PRKN: variants seen among roughly 807,000 people sequenced by gnomAD.
The protein encoded by PRKN is parkin RBR E3 ubiquitin protein ligase, also known as E3 ubiquitin-protein ligase parkin.
PRKN carries 56 observed loss-of-function variants against 59.5 expected under a neutral mutation model. The ratio of observed to expected loss-of-function variants is 0.94; its 90% CI spans 0.76 to 1.18. The LOEUF (loss-of-function observed/expected upper bound fraction) is 1.18. Among genes scored for constraint, PRKN ranks in the 50% most tolerant of loss-of-function variants. The probability of loss-of-function intolerance (pLI) is 0.00; values close to 1 mark genes in which losing one functional copy is unlikely to be tolerated. For missense variants in PRKN, 657 were observed against 596.4 expected (o/e 1.10, Z -1.06); for synonymous variants, 250 against 222.1 (o/e 1.13, Z -1.12).
At chr6:161,686,039 A>G (rs1785538883) in intron 7 of PRKN, among the ~76,000 whole-genome samples, 1 of 150,744 alleles carries the variant, frequency 6.6e-6, no homozygotes. Context: ...TGACAAAAAT[A>G]CTGCACACTC....
chr6:161,645,914 G>A (rs12209808), intron 7 of PRKN, among the ~76,000 whole-genome samples: 24,188 of 136,782 alleles, frequency 0.18, 2,490 homozygotes, highest in Middle Eastern at 0.26. Flanking sequence ...CGGCGTATCA[G>A]TGACAGTGGT....
chr6:161,680,346 T>C (rs1785270337), intron 7 of PRKN, among the ~76,000 whole-genome samples: 1 of 152,110 alleles, frequency 6.6e-6, no homozygotes, highest in South Asian at 2.1e-4. Context: ...AATAAATATC[T>C]CCATATGGAC....
In PRKN at chr6:161,458,339, T is replaced by C. The variant is rs1790062712; in HGVS notation, c.1084-71462A>G. ...AAGTAGGGGGAATTGTGAAGCACTT[T>C]CATCCAGCATCTCGGGTGCCTGGTG... On this transcript the variant is annotated intron_variant, in intron 9 of 11. Transcript: ENST00000366898. The surrounding 1 kb of genome is among the most constrained non-coding windows in gnomAD (Gnocchi z 6.1). 6.6e-6 allele frequency among the ~76,000 whole-genome samples: 1 copy of C among 152,178 alleles called. No homozygotes were observed. Among genetic ancestry groups the C allele is most frequent in the Non-Finnish European group, 1.5e-5 (1 of 68,034 alleles).
chr6:162,038,511 G>A (rs923375368), intron 5 of PRKN, among the ~76,000 whole-genome samples: 1 of 152,076 alleles, frequency 6.6e-6, no homozygotes, highest in Non-Finnish European at 1.5e-5. Flanking sequence ...TCAAAATATG[G>A]AAGCTCCTAG....
At chr6:162,040,552 G>A (rs563539415) in intron 5 of PRKN, among the ~76,000 whole-genome samples, 8 of 149,012 alleles carry the variant, frequency 5.4e-5, no homozygotes, top group Non-Finnish European at 1.0e-4. Flanking sequence ...ATATACAGGC[G>A]CCCACCACCA....
At chr6:162,327,893 G>C (rs2128123832) in intron 2 of PRKN, among the ~76,000 whole-genome samples, 1 of 152,242 alleles carries the variant, frequency 6.6e-6, no homozygotes, top group Admixed American at 6.5e-5. Context: ...CTGTCTGAGA[G>C]AATCACCAGA....
At chr6:162,167,755 T>G (rs183713333) in intron 4 of PRKN, among the ~76,000 whole-genome samples, 3,664 of 152,098 alleles carry the variant, frequency 0.024, 158 homozygotes, top group African/African-American at 0.084. Context: ...GGAAAAAAAG[T>G]CATGGACTAG....
At chr6:161,517,751 A>AAAAAG (rs1304010718) in intron 9 of PRKN, among the ~76,000 whole-genome samples, 1 of 149,452 alleles carries the variant, frequency 6.7e-6, no homozygotes, top group East Asian at 1.9e-4. Context: ...AAAAAAAAAA[A>AAAAAG]AAAAAAAAAA....
rs553114443 is a variant in PRKN at position 161,728,900 on chromosome 6, T to C, written c.871+56872A>G. On this transcript the variant is annotated intron_variant, in intron 7 of 11. Coordinates refer to ENST00000366898, the MANE Select transcript of PRKN (RefSeq NM_004562.3). Reference sequence around the variant, plus strand: ...GTAGCATATACTTAACAAATCTTCTTACGCAGTGACCCCTCTCCTGCAGGA... The same window carrying C: ...GTAGCATATACTTAACAAATCTTCTCACGCAGTGACCCCTCTCCTGCAGGA... 1.4e-3 allele frequency among the ~76,000 whole-genome samples: 206 copies of C among 152,328 alleles called. 1 individual carries two copies. The highest frequency in any genetic ancestry group is 4.9e-3 in the African/African-American group (203 of 41,566).
chr6:162,612,148 G>A (rs1310645287), intron 1 of PRKN, among the ~76,000 whole-genome samples: 14 of 135,082 alleles, frequency 1.0e-4, no homozygotes, highest in East Asian at 4.4e-4. Context: ...AGCTGAGATC[G>A]CGCCACTGCA....
Position 161,772,486 on chromosome 6 carries a change from G to A in PRKN, c.871+13286C>T, listed in dbSNP as rs188623293. Among the ~76,000 whole-genome samples the A allele has an allele frequency of 3.3e-3, 500 of 152,306 alleles. 2 individuals carry two copies. Among genetic ancestry groups the A allele is most frequent in the African/African-American group, 0.012 (479 of 41,570 alleles). On this transcript the variant is annotated intron_variant, in intron 7 of 11. Coordinates refer to ENST00000366898, the MANE Select transcript of PRKN (RefSeq NM_004562.3). Reference sequence around the variant, plus strand: ...TGTTCTGATATAGGCCGTGGGGCTCGCTGAGGTGGAACCACCCAAAACACC... The same window carrying A: ...TGTTCTGATATAGGCCGTGGGGCTCACTGAGGTGGAACCACCCAAAACACC...
At chr6:161,732,479 T>TGTGTGTGTGTGTGTGTG (rs1261124218) in intron 7 of PRKN, among the ~76,000 whole-genome samples, 3 of 126,984 alleles carry the variant, frequency 2.4e-5, no homozygotes, top group African/African-American at 1.1e-4. Flanking sequence ...CAGAGGTTTT[T>TGTGTGTGTGTGTGTGTG]TTTTTTTGTG....
At chr6:162,359,059 CAAAA>C (rs71692740) in intron 2 of PRKN, among the ~76,000 whole-genome samples, 2 of 92,598 alleles carry the variant, frequency 2.2e-5, no homozygotes, top group African/African-American at 5.1e-5. Context: ...CACACTGTGG[CAAAA>C]AAAAAAAAAA....
At position 161,386,971 on chromosome 6, in the gene PRKN, C is replaced by T; in HGVS notation, c.1084-94G>A. The T allele has an allele frequency of 1.0e-6, 1 of 963,380 alleles. No homozygotes were observed. Among genetic ancestry groups the T allele is most frequent in the South Asian group, 1.3e-5 (1 of 77,146 alleles). 59.7% of individuals were successfully genotyped at this position (963,380 alleles called of 1,614,324 possible). On this transcript the variant is annotated intron_variant, in intron 9 of 11. Transcript: ENST00000366898. This position sits in a 1 kb window ranked among gnomAD's most constrained non-coding sequence, Gnocchi z 4.3. ...TTCCAAATTCATTATATTCATTCCT[C>T]TGGCTTGTGCAACAGTTTCTGTATA... is the stretch of plus-strand genomic sequence containing the variant.
chr6:162,079,838 A>C (rs1275534956), intron 4 of PRKN, among the ~76,000 whole-genome samples: 1 of 152,164 alleles, frequency 6.6e-6, no homozygotes, highest in Non-Finnish European at 1.5e-5. Context: ...AGGTCTCAGG[A>C]ATGTTTAATG....
intron 3 of PRKN, among the ~76,000 whole-genome samples, chr6:162,229,564 T>A (rs1778329252): frequency 6.6e-6 from 1 of 152,220 alleles, no homozygotes; most frequent in South Asian, 2.1e-4. Context: ...GATGGCTACC[T>A]ATGCATATTC....
At chr6:161,760,154 C>T (rs986618174) in intron 7 of PRKN, among the ~76,000 whole-genome samples, 1 of 136,406 alleles carries the variant, frequency 7.3e-6, no homozygotes, top group Non-Finnish European at 1.6e-5. Context: ...TATGAATACC[C>T]TTTTCCTCAA....
rs531559048 is a variant in PRKN, at chr6:161,679,684, C to CGCCTT, written c.871+106087_871+106088insAAGGC. Among the ~76,000 whole-genome samples, 351 of 84,846 alleles carry CGCCTT rather than the reference C, an allele frequency of 4.1e-3. 6 individuals are homozygous for CGCCTT. The highest frequency in any genetic ancestry group is 6.5e-3 in the Non-Finnish European group (273 of 41,996). The allele number at this position is 84,846 out of a possible 152,430, so 55.7% of individuals were successfully genotyped here. A position where few individuals can be genotyped will look rare whatever the true frequency, so the allele number is the denominator to read the frequency against. On this transcript the variant is annotated intron_variant, in intron 7 of 11. Coordinates refer to ENST00000366898, the MANE Select transcript of PRKN (RefSeq NM_004562.3). ...GTTTATAATAGAACCACCCCCCCCC[C>CGCCTT]TTTTTTTTTTTTAAGAAACAGGATT...
chr6:161,368,883 G>A (rs1040069749), intron 10 of PRKN, among the ~76,000 whole-genome samples: 5 of 152,196 alleles, frequency 3.3e-5, no homozygotes, highest in Non-Finnish European at 7.3e-5. Flanking sequence ...TAACATGTGG[G>A]AAAGGGTCAC....
Sources: allele counts gnomAD v4.1 joint callset (sites outside exome capture counted in the v4.1 genomes callset), GRCh38; gene constraint gnomAD v4.1.1; non-coding constraint Gnocchi (gnomAD v3.1); transcripts MANE v1.5; gene names NCBI Gene and HGNC (gene_info 2026-07-23, HGNC 2026-07-21).